Variants in GOLGA1 observed in about 807,000 individuals in gnomAD.
The protein encoded by GOLGA1 is golgin subfamily A member 1.
In GOLGA1, 63 loss-of-function variants were observed where a neutral mutation model predicts 119.7. The ratio of observed to expected loss-of-function variants is 0.53; its 90% CI spans 0.43 to 0.65. The LOEUF is 0.65. Among genes scored for constraint, GOLGA1 ranks in the 30% least tolerant of loss-of-function variants. The pLI is 0.00. For missense variants in GOLGA1, 798 were observed against 912.8 expected (o/e 0.87, Z 1.62); for synonymous variants, 318 against 333.4 (o/e 0.95, Z 0.50).
rs1829584620 is a variant in GOLGA1 at position 124,881,654 on chromosome 9, C to G, written c.2136+130G>C. The G allele has an allele frequency of 9.9e-6, 7 of 708,200 alleles. No individual in the cohort carries two copies. The highest frequency in any genetic ancestry group is 1.8e-5 in the African/African-American group (1 of 56,174). The allele number at this position is 708,200 out of a possible 1,614,324, so 43.9% of individuals were successfully genotyped here. On this transcript the variant is annotated intron_variant, in intron 21 of 22. Transcript: ENST00000373555. This position sits in a 1 kb window ranked among gnomAD's most constrained non-coding sequence, Gnocchi z 4.9. ...AGGCCAACGCCAGCAGGAGAAATGA[C>G]TGGGTGACCACAAGGGCGTCAAACC...
intron 3 of GOLGA1, among the ~76,000 whole-genome samples, chr9:124,932,636 A>C (rs1296059808): frequency 1.3e-5 from 2 of 151,740 alleles, no homozygotes; most frequent in Non-Finnish European, 3.0e-5. Context: ...ATTAGCTTTA[A>C]TATGTGTCAT....
chr9:124,920,903 A>C (rs182207383), intron 10 of GOLGA1, among the ~76,000 whole-genome samples: 10 of 151,774 alleles, frequency 6.6e-5, no homozygotes, highest in African/African-American at 2.4e-4. Flanking sequence ...CAAATGGTGT[A>C]CTTTGAGAAT....
rs140662891 is a variant in GOLGA1, at chr9:124,927,407, T to C, written c.400-666A>G. Among the ~76,000 whole-genome samples the C allele has an allele frequency of 3.2e-4, 49 of 152,308 alleles. No homozygotes were observed. In the East Asian group the frequency reaches 8.9e-3, roughly 28 times the overall value. ...ATACATTCATACCACAGTTATCCAC[T>C]AAGTATTGGTAAATTGTATTTTTTC... On this transcript the variant is annotated intron_variant, in intron 6 of 22. Transcript: ENST00000373555.
At chr9:124,925,256 T>C (rs182230969) in intron 7 of GOLGA1, among the ~76,000 whole-genome samples, 2 of 152,120 alleles carry the variant, frequency 1.3e-5, no homozygotes, top group Admixed American at 1.3e-4. Flanking sequence ...AATGAGAATT[T>C]CAATTGCCAT....
chr9:124,917,544 C>G (rs947840447), intron 10 of GOLGA1, among the ~76,000 whole-genome samples: 13 of 152,136 alleles, frequency 8.5e-5, no homozygotes, highest in African/African-American at 3.1e-4. Context: ...CCATTATTAT[C>G]TTCACCACCA....
rs893218884 is a variant in GOLGA1, at chr9:124,946,408, C to T, written c.-156+1510G>A. 2.6e-5 allele frequency: 4 copies of T among 152,062 alleles called. No individual in the cohort carries two copies. The highest frequency in any genetic ancestry group is 9.7e-5 in the African/African-American group (4 of 41,376). 9.4% of individuals were successfully genotyped at this position (152,062 alleles called of 1,614,324 possible). On this transcript the variant is annotated intron_variant, in intron 1 of 4. Transcript: ENST00000421514. This position sits in a 1 kb window ranked among gnomAD's most constrained non-coding sequence, Gnocchi z 4.0. ...TTTTTTTGGGTGGTAAAACAGACTC[C>T]TGAGATAATTTCTCTATTTTAAGAT...
chr9:124,930,177 T>A (rs1830747870), intron 4 of GOLGA1, among the ~76,000 whole-genome samples: 1 of 152,182 alleles, frequency 6.6e-6, no homozygotes, highest in South Asian at 2.1e-4. Context: ...CTCTTCCCTG[T>A]CCCTTCTCTA....
intron 10 of GOLGA1, among the ~76,000 whole-genome samples, chr9:124,919,989 T>C (rs541901015): frequency 2.6e-5 from 4 of 152,126 alleles, no homozygotes; most frequent in African/African-American, 9.7e-5. Context: ...AGAGTCTCTC[T>C]CTGTCACCCA....
intron 4 of GOLGA1, among the ~76,000 whole-genome samples, chr9:124,931,112 T>G (rs964561772): frequency 1.3e-5 from 2 of 152,164 alleles, no homozygotes; most frequent in African/African-American, 4.8e-5. Context: ...CAGAAAAAAT[T>G]TTTTAATAAA....
chr9:124,935,496 G>A (rs1264717910), intron 3 of GOLGA1, among the ~76,000 whole-genome samples: 2 of 152,148 alleles, frequency 1.3e-5, no homozygotes, highest in African/African-American at 4.8e-5. Flanking sequence ...AGAAGATGGA[G>A]TAGGGAGGCA....
chr9:124,900,622 A>G (rs1433857825), intron 12 of GOLGA1, 75 bp from the exon 13 acceptor site: 1 of 673,804 alleles, frequency 1.5e-6, no homozygotes, highest in Non-Finnish European at 2.6e-6. Context: ...TAAAATGCAA[A>G]GCGATTTAAA....
chr9:124,918,176 T>C (rs1483654155), intron 10 of GOLGA1, among the ~76,000 whole-genome samples: 2 of 152,144 alleles, frequency 1.3e-5, no homozygotes, highest in Non-Finnish European at 2.9e-5. Context: ...TTTAATAGGA[T>C]CTCACTAAAT....
At chr9:124,886,015 T>C (rs1041831328) in intron 19 of GOLGA1, among the ~76,000 whole-genome samples, 2 of 152,096 alleles carry the variant, frequency 1.3e-5, no homozygotes, top group Non-Finnish European at 1.5e-5. Context: ...TGGATGCTGG[T>C]AGAGAAAGAA....
At position 124,902,637 on chromosome 9, in the gene GOLGA1, C is replaced by A. The variant is rs985936428; in HGVS notation, c.1066-2090G>T. Among the ~76,000 whole-genome samples, 9 of 151,656 alleles carry A rather than the reference C, an allele frequency of 5.9e-5. 1 individual carries two copies. The highest frequency in any genetic ancestry group is 2.2e-4 in the African/African-American group (9 of 41,360). On this transcript the variant is annotated intron_variant, in intron 12 of 22. Coordinates refer to ENST00000373555, the MANE Select transcript of GOLGA1 (RefSeq NM_002077.4). ...CCTGAGTAGCTGGGACTACAGGCGC[C>A]TGCCACCATGCCCAGCTAATTTTTT...
upstream of GOLGA1, chr9:124,945,976 C>CGAAA (rs1831139299): frequency 1.3e-5 from 2 of 152,130 alleles, no homozygotes; most frequent in Non-Finnish European, 2.9e-5. Context: ...GCTGGGTTTT[C>CGAAA]TAAGCAAGTG....
intron 12 of GOLGA1, among the ~76,000 whole-genome samples, chr9:124,901,436 ATT>A (rs35235029): frequency 6.9e-5 from 9 of 131,342 alleles, no homozygotes; most frequent in Admixed American, 7.7e-5. Context: ...ACGCCCAGCT[ATT>A]TTTTTTTTTT....
At chr9:124,893,022 A>G (rs1429892803) in intron 15 of GOLGA1, among the ~76,000 whole-genome samples, 1 of 152,054 alleles carries the variant, frequency 6.6e-6, no homozygotes, top group Admixed American at 6.6e-5. Context: ...GTTTTTGGAA[A>G]TGGGTTCTTG....
chr9:124,900,242 TGGTGCACCTCCCA>T (rs1419794738), intron 13 of GOLGA1, 197 bp downstream of exon 13: 2 of 419,598 alleles, frequency 4.8e-6, no homozygotes, highest in Non-Finnish European at 8.6e-6. Context: ...AAGGAGCTGC[TGGTGCACCTCCCA>T]GGTAACTCAG....
In GOLGA1 at chr9:124,921,812, C is replaced by T; in HGVS notation, c.642G>A (p.Glu214=). 1 of 1,612,884 alleles carries T rather than the reference C, an allele frequency of 6.2e-7. No homozygotes were observed. Among genetic ancestry groups the T allele is most frequent in the Non-Finnish European group, 8.5e-7 (1 of 1,178,812 alleles). ...ACATCTGATTGGAGTTCATCAACTC[C>T]TCCTGGGTACGACTAAGTTCTCTGG... ...ARTRELSRTQ[E]ELMNSNQMSS... is the part of the protein sequence containing the mutation. Residue 214 remains glutamate (E), a synonymous_variant, in exon 9 of 23, where the codon GAG becomes GAA. Transcript: ENST00000373555.
Sources: allele counts gnomAD v4.1 joint callset (sites outside exome capture counted in the v4.1 genomes callset), GRCh38; gene constraint gnomAD v4.1.1; non-coding constraint Gnocchi (gnomAD v3.1); transcripts MANE v1.5; gene names NCBI Gene and HGNC (gene_info 2026-07-23, HGNC 2026-07-21).